Variants in IRF6 observed in about 807,000 individuals in gnomAD.
IRF6 encodes the protein interferon regulatory factor 6.
In IRF6, 6 loss-of-function variants were observed where a neutral mutation model predicts 51.4. That is an observed-to-expected ratio of 0.12 (90% CI 0.06 to 0.23). The LOEUF (loss-of-function observed/expected upper bound fraction) is 0.23. Among genes scored for constraint, IRF6 ranks in the 10% least tolerant of loss-of-function variants. IRF6 has a pLI of 1.00. For synonymous variants in IRF6, 178 were observed against 215.7 expected (o/e 0.83, Z 1.53); for missense variants, 348 against 585.2 (o/e 0.59, Z 4.18).
At chr1:209,800,620 G>A (rs919225523) in intron 3 of IRF6, among the ~76,000 whole-genome samples, 17 of 152,092 alleles carry the variant, frequency 1.1e-4, no homozygotes, top group East Asian at 1.9e-4. Flanking sequence ...TTAGCCAGGC[G>A]TGGTGGTGTG....
At chr1:209,788,709 AC>A in intron 8 of IRF6, 65 bp from the exon 9 acceptor site, 1 of 1,320,704 alleles carries the variant, frequency 7.6e-7, no homozygotes, top group Non-Finnish European at 1.1e-6. Flanking sequence ...AGCACAATGG[AC>A]CCAAGATTGA....
intron 3 of IRF6, 57 bp downstream of exon 3, chr1:209,801,181 GCC>G: frequency 1.3e-4 from 131 of 993,398 alleles, no homozygotes; most frequent in Non-Finnish European, 1.7e-4. Context: ...TATTCCCCAT[GCC>G]AAAAAAAAAA....
In IRF6 at chr1:209,801,418, T is replaced by TG. The variant is rs778608344; in HGVS notation, c.-3-3dup. 1.9e-5 allele frequency: 30 copies of TG among 1,558,794 alleles called. No individual in the cohort carries two copies. The highest frequency in any genetic ancestry group is 5.5e-5 in the African/African-American group (4 of 72,454). ...TCTGCGGGGGTGGAGGGCCATGATC[T>TG]GGGGGGGTCAGAGGGAGAAATGGGA... On this transcript the variant is annotated splice_polypyrimidine_tract_variant and splice_region_variant and intron_variant, in intron 2 of 8. Coordinates refer to ENST00000367021, the MANE Select transcript of IRF6 (RefSeq NM_006147.4).
intron 1 of IRF6, among the ~76,000 whole-genome samples, chr1:209,804,450 G>T (rs1376605672): frequency 6.6e-6 from 1 of 152,042 alleles, no homozygotes; most frequent in Non-Finnish European, 1.5e-5. Context: ...AGTGATTGAG[G>T]TGGAGACTGC....
At chr1:209,805,596 A>G (rs1317109414) in intron 1 of IRF6, among the ~76,000 whole-genome samples, 1 of 152,218 alleles carries the variant, frequency 6.6e-6, no homozygotes, top group East Asian at 1.9e-4. Context: ...TCTCTGGGAC[A>G]CAGGGGCCAG....
In IRF6 at chr1:209,795,839, T is replaced by TAAA. The variant is rs1558041025; in HGVS notation, c.380-422_380-421insTTT. Among the ~76,000 whole-genome samples, 5 of 144,632 alleles carry TAAA rather than the reference T, an allele frequency of 3.5e-5. No individual in the cohort carries two copies. In the East Asian group the frequency reaches 6.5e-4, roughly 19 times the overall value. The allele number at this position is 144,632 out of a possible 152,430, so 94.9% of individuals were successfully genotyped here. A position where few individuals can be genotyped will look rare whatever the true frequency, so the allele number is the denominator to read the frequency against. ...AATTATTATTTGTCAATTAAAAAAT[T>TAAA]TTTTTAACAGATCATGTTAATTTTT... On this transcript the variant is annotated intron_variant, in intron 4 of 8. Coordinates refer to ENST00000367021, the MANE Select transcript of IRF6 (RefSeq NM_006147.4).
At chr1:209,803,694 C>T (rs1364851223) in intron 1 of IRF6, among the ~76,000 whole-genome samples, 2 of 152,184 alleles carry the variant, frequency 1.3e-5, no homozygotes, top group Non-Finnish European at 2.9e-5. Flanking sequence ...CCCCACTCAC[C>T]ACCCAGTAAC....
chr1:209,795,820 T>C (rs2077897836), intron 4 of IRF6, among the ~76,000 whole-genome samples: 1 of 137,662 alleles, frequency 7.3e-6, no homozygotes, highest in African/African-American at 2.6e-5. Flanking sequence ...GTACAATTAT[T>C]ATTTGTCAAT....
chr1:209,803,432 T>G (rs1257393787), intron 1 of IRF6, among the ~76,000 whole-genome samples: 3 of 152,184 alleles, frequency 2.0e-5, no homozygotes, highest in South Asian at 2.1e-4. Context: ...AATCCCACCA[T>G]GCAAAAATTA....
At chr1:209,802,862 A>G (rs2077951998) in intron 1 of IRF6, among the ~76,000 whole-genome samples, 1 of 152,224 alleles carries the variant, frequency 6.6e-6, no homozygotes, top group Non-Finnish European at 1.5e-5. Context: ...AGCTTAGCTG[A>G]CGGGGTGGCC....
rs1195798499 is a variant in IRF6, at chr1:209,801,322, C to T, written c.92G>A (p.Arg31Lys). 3 of 1,614,060 alleles carry T rather than the reference C, an allele frequency of 1.9e-6. No homozygotes were observed. The highest frequency in any genetic ancestry group is 3.3e-5 in the Admixed American group (2 of 60,000). ...GLYPGLIWLH[R>K]DSKRFQIPWK... Reference sequence around the variant, plus strand: ...GGGAATCTGGAAGCGTTTAGAGTCCCTGTGTAGCCAGATGAGCCCAGGGTA... The same window carrying T: ...GGGAATCTGGAAGCGTTTAGAGTCCTTGTGTAGCCAGATGAGCCCAGGGTA... Residue 31 changes from arginine to lysine, a missense_variant, in exon 3 of 9, where the codon AGG (arginine) becomes AAG (lysine). Physicochemically the swap from Arg to Lys is conservative, Grantham distance 26. Coordinates refer to ENST00000367021, the MANE Select transcript of IRF6 (RefSeq NM_006147.4).
Position 209,795,387 on chromosome 1 carries a change from C to T in IRF6, c.411G>A (p.Lys137=), listed in dbSNP as rs1489803602. The part of the protein sequence containing the change: ...GSTGSAPWDE[K]DNDVDEEDEE... Reference sequence around the variant, plus strand: ...CATCTTCTTCATCCACATCATTATCCTTCTCATCCCAGGGAGCAGACCCTG... The same window carrying T: ...CATCTTCTTCATCCACATCATTATCTTTCTCATCCCAGGGAGCAGACCCTG... The change falls in exon 5 of 9, where the codon AAG becomes AAA. Residue 137 remains lysine (K), a synonymous_variant. Transcript: ENST00000367021. 6.2e-7 allele frequency: 1 copy of T among 1,614,182 alleles called. No homozygotes were observed.
rs1167179307 is a variant in IRF6, at chr1:209,790,868, C to T, written c.687G>A (p.Lys229=). 3 of 1,612,680 alleles carry T rather than the reference C, an allele frequency of 1.9e-6. No individual in the cohort carries two copies. The highest frequency in any genetic ancestry group is 2.5e-6 in the Non-Finnish European group (3 of 1,180,046). The change falls in exon 7 of 9, where the codon AAG becomes AAA. Residue 229 remains lysine, a synonymous_variant. Transcript: ENST00000367021. This position sits in a 1 kb window ranked among gnomAD's most constrained non-coding sequence, Gnocchi z 4.8. ...CGTACTCCTTCCCACGGTACTGAAA[C>T]TTGATGTCCAGGTCAGTCACTGCAA... ...SSLPMTDLDI[K]FQYRGKEYGQ... is the part of the protein sequence containing the mutation.
At chr1:209,799,824 A>C (rs1180178729) in intron 3 of IRF6, among the ~76,000 whole-genome samples, 2 of 152,246 alleles carry the variant, frequency 1.3e-5, no homozygotes, top group African/African-American at 2.4e-5. Context: ...AACCTTATCA[A>C]CTTTTATATT....
intron 1 of IRF6, among the ~76,000 whole-genome samples, chr1:209,804,791 C>T (rs1009655802): frequency 6.6e-6 from 1 of 152,184 alleles, no homozygotes; most frequent in Admixed American, 6.5e-5. Flanking sequence ...AGCTCCTCCC[C>T]AGACTAGTTT....
At chr1:209,797,307 T>C (rs1009394983) in intron 3 of IRF6, among the ~76,000 whole-genome samples, 4 of 145,362 alleles carry the variant, frequency 2.8e-5, no homozygotes, top group African/African-American at 5.2e-5. Flanking sequence ...GAGGTGGAGA[T>C]TGTAGTGAGC....
chr1:209,793,454 C>G (rs1385018790), intron 5 of IRF6, among the ~76,000 whole-genome samples: 1 of 152,110 alleles, frequency 6.6e-6, no homozygotes, highest in Non-Finnish European at 1.5e-5. Context: ...AAACTGCATC[C>G]TTTTAGGGGG....
At chr1:209,803,030 G>A (rs987165896) in intron 1 of IRF6, among the ~76,000 whole-genome samples, 6 of 152,210 alleles carry the variant, frequency 3.9e-5, no homozygotes, top group African/African-American at 1.2e-4. Flanking sequence ...CCCCCTGGGA[G>A]CATAGTGGGT....
At chr1:209,804,975 T>C (rs1384454202) in intron 1 of IRF6, among the ~76,000 whole-genome samples, 1 of 152,210 alleles carries the variant, frequency 6.6e-6, no homozygotes, top group African/African-American at 2.4e-5. Flanking sequence ...TGTTTAGCCC[T>C]GCTTAGGGGT....
Sources: allele counts gnomAD v4.1 joint callset (sites outside exome capture counted in the v4.1 genomes callset), GRCh38; gene constraint gnomAD v4.1.1; non-coding constraint Gnocchi (gnomAD v3.1); transcripts MANE v1.5; gene names NCBI Gene and HGNC (gene_info 2026-07-23, HGNC 2026-07-21).